Variants in CNTN6 observed in about 807,000 individuals in gnomAD.
The protein encoded by CNTN6 is contactin 6.
Under a neutral mutation model 122.8 loss-of-function variants are expected in CNTN6, and 137 were observed. The observed-to-expected ratio is 1.12, with a 90% confidence interval of 0.97 to 1.29. The LOEUF (loss-of-function observed/expected upper bound fraction) is 1.29, where lower values mean the gene tolerates loss of function less well. Among genes scored for constraint, CNTN6 ranks in the 50% most tolerant of loss-of-function variants. The pLI, the probability that CNTN6 is intolerant of heterozygous loss-of-function variation, is 0.00. For missense variants in CNTN6, 1,634 were observed against 1,223.4 expected (o/e 1.34, Z -5.01); for synonymous variants, 570 against 426.0 (o/e 1.34, Z -4.16).
chr3:1,254,914 T>C (rs936182869), intron 4 of CNTN6, among the ~76,000 whole-genome samples: 1 of 152,144 alleles, frequency 6.6e-6, no homozygotes, highest in Non-Finnish European at 1.5e-5. Flanking sequence ...GTTTACTCGG[T>C]GGTTCCTCTG....
intron 5 of CNTN6, among the ~76,000 whole-genome samples, chr3:1,278,733 T>A (rs1692859212): frequency 6.6e-6 from 1 of 152,232 alleles, no homozygotes; most frequent in Non-Finnish European, 1.5e-5. Context: ...AGATACATCA[T>A]GGCATTGTAC....
intron 5 of CNTN6, among the ~76,000 whole-genome samples, chr3:1,287,799 A>T (rs1222199805): frequency 6.6e-6 from 1 of 152,194 alleles, no homozygotes. Context: ...GGCAACTTCT[A>T]GAAGCTACCC....
At chr3:1,271,305 C>T (rs754486970) in intron 4 of CNTN6, among the ~76,000 whole-genome samples, 2 of 152,182 alleles carry the variant, frequency 1.3e-5, no homozygotes, top group African/African-American at 4.8e-5. Flanking sequence ...CAGATGAAAG[C>T]AGCGGGACAT....
At chr3:1,358,992 C>G (rs756515223) in intron 12 of CNTN6, among the ~76,000 whole-genome samples, 1 of 151,916 alleles carries the variant, frequency 6.6e-6, no homozygotes, top group Non-Finnish European at 1.5e-5. Context: ...CTCAGAAATT[C>G]AAGATTGCAG....
intron 21 of CNTN6, among the ~76,000 whole-genome samples, 197 bp downstream of exon 21, chr3:1,401,742 G>A (rs1695739718): frequency 6.6e-6 from 1 of 151,928 alleles, no homozygotes; most frequent in Non-Finnish European, 1.5e-5. Context: ...ATGTATTAGG[G>A]AACATCAATA....
chr3:1,244,262 G>A (rs1332364632), intron 4 of CNTN6, among the ~76,000 whole-genome samples: 1 of 152,110 alleles, frequency 6.6e-6, no homozygotes, highest in African/African-American at 2.4e-5. Flanking sequence ...CCATAGTGAA[G>A]GAAGCAAACC....
At chr3:1,158,453 T>C (rs1208449148) in intron 2 of CNTN6, among the ~76,000 whole-genome samples, 1 of 152,176 alleles carries the variant, frequency 6.6e-6, no homozygotes, top group Non-Finnish European at 1.5e-5. Context: ...AGATGGGTAG[T>C]TTACAAATAC....
chr3:1,360,946 A>G (rs1408492462), intron 12 of CNTN6, among the ~76,000 whole-genome samples: 2 of 152,002 alleles, frequency 1.3e-5, no homozygotes, highest in African/African-American at 4.8e-5. Context: ...TTTAAACCCC[A>G]TATTCAATTG....
chr3:1,294,834 T>C (rs11717482), intron 5 of CNTN6, among the ~76,000 whole-genome samples: 20,763 of 152,244 alleles, frequency 0.14, 1,845 homozygotes, highest in Non-Finnish European at 0.2. Context: ...AAGCATATGT[T>C]ATCCTTCATT....
chr3:1,379,424 C>T (rs551226746), intron 17 of CNTN6, among the ~76,000 whole-genome samples: 48 of 152,112 alleles, frequency 3.2e-4, no homozygotes, highest in African/African-American at 1.0e-3. Context: ...GCTAGAGTGA[C>T]GAGAGGAAGG....
Position 1,295,671 on chromosome 3 carries a change from T to C in CNTN6, c.525T>C (p.Ser175=). Residue 175 remains serine (S), a synonymous_variant, in exon 6 of 23, where the codon TCT becomes TCC. Coordinates refer to ENST00000446702, the MANE Select transcript of CNTN6 (RefSeq NM_001289080.2). ...AAGAGGACAATAGGCGATTTGTATC[T>C]CAAGAGACGGGAAACTTGTACATTG... ...YVQEDNRRFV[S]QETGNLYIAK... is the part of the protein sequence containing the mutation. 11 of 1,614,018 alleles carry C rather than the reference T, an allele frequency of 6.8e-6. No homozygotes were observed. The highest frequency in any genetic ancestry group is 9.3e-6 in the Non-Finnish European group (11 of 1,179,934).
At chr3:1,387,869 C>T (rs562972704) in intron 20 of CNTN6, among the ~76,000 whole-genome samples, 2 of 152,196 alleles carry the variant, frequency 1.3e-5, no homozygotes, top group Admixed American at 6.5e-5. Flanking sequence ...TAAAAAACGG[C>T]GCACCACGAG....
At chr3:1,341,984 C>T (rs1703956202) in intron 11 of CNTN6, among the ~76,000 whole-genome samples, 1 of 152,088 alleles carries the variant, frequency 6.6e-6, no homozygotes, top group African/African-American at 2.4e-5. Context: ...AGTTAACTAC[C>T]TAAAGACCCT....
chr3:1,236,736 T>G (rs1265830653), intron 4 of CNTN6, among the ~76,000 whole-genome samples: 1 of 152,156 alleles, frequency 6.6e-6, no homozygotes, highest in Non-Finnish European at 1.5e-5. Context: ...AAGATGAAAC[T>G]TCTGAATTGC....
chr3:1,239,255 T>C (rs151164856), intron 4 of CNTN6, among the ~76,000 whole-genome samples: 51 of 152,290 alleles, frequency 3.3e-4, no homozygotes, highest in African/African-American at 1.2e-3. Context: ...GTTACGATTG[T>C]ATACCTAAAA....
At chr3:1,164,516 T>G (rs954388552) in intron 2 of CNTN6, among the ~76,000 whole-genome samples, 4 of 152,246 alleles carry the variant, frequency 2.6e-5, no homozygotes, top group South Asian at 2.1e-4. Flanking sequence ...AGTTCAAATT[T>G]GTCATACATG....
At chr3:1,250,119 A>G (rs1023122966) in intron 4 of CNTN6, among the ~76,000 whole-genome samples, 33 of 152,310 alleles carry the variant, frequency 2.2e-4, no homozygotes, top group Admixed American at 1.7e-3. Context: ...TGCTATAAAT[A>G]TTAAAATTAA....
intron 2 of CNTN6, among the ~76,000 whole-genome samples, chr3:1,155,298 T>A (rs998492175): frequency 1.3e-5 from 2 of 152,226 alleles, no homozygotes; most frequent in Non-Finnish European, 2.9e-5. Flanking sequence ...GCCTGACGCA[T>A]GGTACGCACT....
At chr3:1,334,897 C>T (rs528502228) in intron 11 of CNTN6, among the ~76,000 whole-genome samples, 23 of 152,022 alleles carry the variant, frequency 1.5e-4, no homozygotes, top group African/African-American at 4.1e-4. Context: ...ATTAATAGAC[C>T]GATGGTATGA....
Sources: gnomAD v4.1 joint callset for allele counts (sites outside exome capture counted in the v4.1 genomes callset) on GRCh38, gnomAD v4.1.1 for gene constraint, MANE v1.5 for transcripts, NCBI Gene and HGNC (gene_info 2026-07-23, HGNC 2026-07-21) for gene names.